Variants in TRAK1 observed in about 807,000 individuals in gnomAD.
The protein encoded by TRAK1 is trafficking kinesin-binding protein 1.
Under a neutral mutation model 92.1 loss-of-function variants are expected in TRAK1, and 33 were observed. The ratio of observed to expected loss-of-function variants is 0.36; its 90% CI spans 0.27 to 0.48. The LOEUF (loss-of-function observed/expected upper bound fraction) is 0.48. TRAK1 is among the 20% of genes least tolerant of loss of function. TRAK1 has a pLI of 0.99. For synonymous variants in TRAK1, 521 were observed against 517.3 expected, an observed-to-expected ratio of 1.01 and a Z score of -0.10; for missense variants, 1,123 against 1,257.9, an observed-to-expected ratio of 0.89 and a Z score of 1.62.
intron 1 of TRAK1, among the ~76,000 whole-genome samples, chr3:42,067,802 AGT>A (rs1703743544): frequency 4.3e-5 from 1 of 23,316 alleles, no homozygotes; most frequent in Non-Finnish European, 1.4e-4. Context: ...CCTATCACGT[AGT>A]TAGTTTTTTT....
chr3:42,211,426 T>A, intron 14 of TRAK1: 1 of 985,366 alleles, frequency 1.0e-6, no homozygotes, highest in Non-Finnish European at 1.2e-6. Flanking sequence ...AAAATGTTTT[T>A]TATTTGTTAT....
At chr3:42,140,033 A>G (rs566309030) in intron 2 of TRAK1, among the ~76,000 whole-genome samples, 1 of 152,292 alleles carries the variant, frequency 6.6e-6, no homozygotes, top group South Asian at 2.1e-4. Context: ...TGATGCTACC[A>G]CACCCAAGCC....
intron 4 of TRAK1, among the ~76,000 whole-genome samples, chr3:42,185,185 T>C (rs193107943): frequency 6.6e-6 from 1 of 152,276 alleles, no homozygotes; most frequent in East Asian, 1.9e-4. Flanking sequence ...GCACCCAGGC[T>C]AACACCACAA....
chr3:42,018,087 C>CAAAAAAAA (rs397989329), intron 1 of TRAK1, among the ~76,000 whole-genome samples: 1 of 114,284 alleles, frequency 8.8e-6, no homozygotes, highest in Non-Finnish European at 1.7e-5. Flanking sequence ...CTCATTGTTA[C>CAAAAAAAA]AAAAAAAAAA....
chr3:42,218,183 T>A (rs1709922426), intron 14 of TRAK1: 1 of 985,326 alleles, frequency 1.0e-6, no homozygotes, highest in South Asian at 4.7e-5. Flanking sequence ...CTCCAGCATT[T>A]ATTTTTTTGT....
At chr3:42,130,223 C>T (rs1382365451) in intron 2 of TRAK1, among the ~76,000 whole-genome samples, 19 of 152,018 alleles carry the variant, frequency 1.2e-4, no homozygotes, top group Non-Finnish European at 1.0e-4. Flanking sequence ...ATGAAAGCTG[C>T]TGCATTGGTC....
intron 2 of TRAK1, chr3:42,149,239 A>G: frequency 8.0e-7 from 1 of 1,253,414 alleles, no homozygotes. Flanking sequence ...ACTCCCATTC[A>G]GGGCTGCTGT....
In TRAK1 at chr3:42,223,996, C is replaced by G. The variant is rs1156950837; in HGVS notation, c.*259C>G. 1.6e-6 allele frequency: 1 copy of G among 629,708 alleles called. No individual in the cohort carries two copies. The highest frequency in any genetic ancestry group is 1.8e-5 in the African/African-American group (1 of 55,206). The allele number at this position is 629,708 out of a possible 1,614,324, so 39.0% of individuals were successfully genotyped here. A position where few individuals can be genotyped will look rare whatever the true frequency, so the allele number is the denominator to read the frequency against. On this transcript the variant is annotated 3_prime_UTR_variant, in exon 16 of 16. Transcript: ENST00000327628. This position sits in a 1 kb window ranked among gnomAD's most constrained non-coding sequence, Gnocchi z 6.1. ...GAAGTGCCCCTGCACTGTCATCACT[C>G]TCACGAGGACGTCACCTGTGCTAAC...
At chr3:42,149,733 T>C in intron 2 of TRAK1, 1 of 1,152,944 alleles carries the variant, frequency 8.7e-7, no homozygotes, top group Non-Finnish European at 1.2e-6. Context: ...CACCACTGGC[T>C]CTGGCAATTC....
chr3:42,106,587 C>T (rs1009364124), intron 1 of TRAK1, among the ~76,000 whole-genome samples: 1 of 152,114 alleles, frequency 6.6e-6, no homozygotes, highest in Non-Finnish European at 1.5e-5. Flanking sequence ...TGTATAGTGA[C>T]TCTATCACCT....
At chr3:42,216,059 T>C (rs1475697267) in intron 14 of TRAK1, among the ~76,000 whole-genome samples, 1 of 152,172 alleles carries the variant, frequency 6.6e-6, no homozygotes, top group Non-Finnish European at 1.5e-5. Context: ...AGCAGGTGTG[T>C]ACAAATTGTA....
At chr3:42,182,820 G>A (rs142373149) in intron 3 of TRAK1, among the ~76,000 whole-genome samples, 89 of 152,278 alleles carry the variant, frequency 5.8e-4, no homozygotes, top group African/African-American at 2.0e-3. Flanking sequence ...GGAATAATTG[G>A]GTGGCTATCC....
intron 2 of TRAK1, among the ~76,000 whole-genome samples, chr3:42,128,950 T>C (rs1710946703): frequency 6.6e-6 from 1 of 152,256 alleles, no homozygotes; most frequent in Admixed American, 6.5e-5. Context: ...TTTTATTCTT[T>C]AATAAAGAAG....
At chr3:42,064,893 A>C (rs1272098437) in intron 1 of TRAK1, among the ~76,000 whole-genome samples, 5 of 152,064 alleles carry the variant, frequency 3.3e-5, no homozygotes, top group Non-Finnish European at 7.4e-5. Flanking sequence ...TCTACTAAAA[A>C]TAACAAAAAA....
At chr3:42,021,223 A>G (rs1404717924) in intron 1 of TRAK1, among the ~76,000 whole-genome samples, 7 of 152,180 alleles carry the variant, frequency 4.6e-5, no homozygotes, top group Admixed American at 2.0e-4. Flanking sequence ...TTCTGAGACA[A>G]TTGGTTTACT....
rs116570962 is a variant in TRAK1 at position 42,202,677 on chromosome 3, A to T, written c.1669A>T (p.Thr557Ser). The T allele has an allele frequency of 4.5e-4, 721 of 1,613,466 alleles. 3 individuals are homozygous for T. In the African/African-American group the frequency reaches 8.8e-3, roughly 20 times the overall value. ...LGTHSRFSEF[T>S]GFSGMSFSSR... ...CACGCACTCCCGCTTCTCCGAGTTC[A>T]CCGGCTTCTCTGGCATGTCCTTCAG... Residue 557 changes from threonine to serine, a missense_variant, in exon 13 of 16, where the codon ACC becomes TCC. Transcript: ENST00000327628. The surrounding 1 kb of genome is among the most constrained non-coding windows in gnomAD (Gnocchi z 6.1).
intron 2 of TRAK1, among the ~76,000 whole-genome samples, chr3:42,158,809 A>T (rs1199145750): frequency 1.4e-5 from 2 of 145,756 alleles, no homozygotes; most frequent in Non-Finnish European, 3.0e-5. Context: ...AAAAAAAAAA[A>T]TTAGCCAGGT....
At chr3:42,160,378 A>G in intron 2 of TRAK1, 1 of 1,614,170 alleles carries the variant, frequency 6.2e-7, no homozygotes, top group Non-Finnish European at 8.5e-7. Context: ...CTGCGAGACA[A>G]GGGCGGGGAA....
At chr3:42,081,532 T>TG (rs1397068132) in intron 1 of TRAK1, among the ~76,000 whole-genome samples, 1 of 152,160 alleles carries the variant, frequency 6.6e-6, no homozygotes, top group South Asian at 2.1e-4. Flanking sequence ...CACAATTTTT[T>TG]GGGGGAGATC....
Sources: allele counts gnomAD v4.1 joint callset (sites outside exome capture counted in the v4.1 genomes callset), GRCh38; gene constraint gnomAD v4.1.1; non-coding constraint Gnocchi (gnomAD v3.1); transcripts MANE v1.5; gene names NCBI Gene and HGNC (gene_info 2026-07-23, HGNC 2026-07-21).